GRIN2B: variants seen among roughly 807,000 people sequenced by gnomAD.
The protein encoded by GRIN2B is glutamate receptor ionotropic, NMDA 2B.
GRIN2B carries 5 observed loss-of-function variants against 114.5 expected under a neutral mutation model. The observed-to-expected ratio is 0.04, with a 90% CI of 0.02 to 0.09. The LOEUF (loss-of-function observed/expected upper bound fraction) is 0.09. Ranked by LOEUF, GRIN2B falls within the 10% of genes least tolerant of loss-of-function variation. The pLI, the probability that GRIN2B is intolerant of heterozygous loss-of-function variation, is 1.00. For synonymous variants in GRIN2B, 787 were observed against 745.1 expected, an observed-to-expected ratio of 1.06 and a Z score of -0.92; for missense variants, 1,108 against 1,943.5, an observed-to-expected ratio of 0.57 and a Z score of 8.08.
At chr12:13,572,410 TAGTG>T (rs560624064) in intron 10 of GRIN2B, among the ~76,000 whole-genome samples, 11 of 152,310 alleles carry the variant, frequency 7.2e-5, no homozygotes, top group Non-Finnish European at 1.5e-4. Flanking sequence ...CATAGGGCCT[TAGTG>T]AGGTGAGCTA....
At chr12:13,720,300 G>A (rs973567110) in intron 4 of GRIN2B, among the ~76,000 whole-genome samples, 20 of 151,914 alleles carry the variant, frequency 1.3e-4, no homozygotes, top group Non-Finnish European at 2.8e-4. Flanking sequence ...AAAATGGCAT[G>A]CCCTTTCTAG....
chr12:13,952,496 T>C (rs910987261), intron 2 of GRIN2B, among the ~76,000 whole-genome samples: 2 of 152,206 alleles, frequency 1.3e-5, no homozygotes, highest in African/African-American at 4.8e-5. Context: ...CCCTGTGTTC[T>C]ATCCCATGGA....
At position 13,791,451 on chromosome 12, in the gene GRIN2B, C is replaced by CAAAA. The variant is rs1234086791; in HGVS notation, c.412-37540_412-37537dup. On this transcript the variant is annotated intron_variant, in intron 3 of 13. Coordinates refer to ENST00000609686, the MANE Select transcript of GRIN2B (RefSeq NM_000834.5). Reference sequence around the variant, plus strand: ...TGGGTGACAGAGCGAGACTCTGTCTCAAAAAAAAAAATAAAAAAAAAAAAT... The same window carrying CAAAA: ...TGGGTGACAGAGCGAGACTCTGTCTCAAAAAAAAAAAAAAATAAAAAAAAAAAAT... 4.0e-4 allele frequency among the ~76,000 whole-genome samples: 43 copies of CAAAA among 106,648 alleles called. 1 individual carries two copies. Among genetic ancestry groups the CAAAA allele is most frequent in the Non-Finnish European group, 5.0e-4 (26 of 51,796 alleles). 70.0% of individuals were successfully genotyped at this position (106,648 alleles called of 152,430 possible). A position where few individuals can be genotyped will look rare whatever the true frequency, so the allele number is the denominator to read the frequency against.
At position 13,754,418 on chromosome 12, in the gene GRIN2B, C is replaced by G. The variant is rs191886989; in HGVS notation, c.412-503G>C. Among the ~76,000 whole-genome samples the G allele has an allele frequency of 2.0e-3, 307 of 152,266 alleles. 7 individuals carry two copies. The highest frequency in any genetic ancestry group is 3.1e-4 in the Non-Finnish European group (21 of 68,022). On this transcript the variant is annotated intron_variant, in intron 3 of 13. Transcript: ENST00000609686. Reference sequence around the variant, plus strand: ...GGATTTCTTGCTTGTGAAAGTGTATCACTCAGTCACAGAGTGCATAATCCA... The same window carrying G: ...GGATTTCTTGCTTGTGAAAGTGTATGACTCAGTCACAGAGTGCATAATCCA...
intron 3 of GRIN2B, among the ~76,000 whole-genome samples, chr12:13,822,119 C>T (rs220598): frequency 0.057 from 8,637 of 152,114 alleles, 836 homozygotes; most frequent in African/African-American, 0.2. Context: ...GGCCTAAAGT[C>T]TTATGAAATT....
chr12:13,945,129 G>T (rs908332851), intron 2 of GRIN2B, among the ~76,000 whole-genome samples: 2 of 152,094 alleles, frequency 1.3e-5, no homozygotes, highest in Non-Finnish European at 2.9e-5. Context: ...CATAAATAGG[G>T]GCTAAAAGTT....
chr12:13,972,658 G>A (rs1183994488), intron 2 of GRIN2B, among the ~76,000 whole-genome samples: 1 of 152,190 alleles, frequency 6.6e-6, no homozygotes, highest in African/African-American at 2.4e-5. Flanking sequence ...AGTGGACGTG[G>A]CTGACCACAT....
intron 3 of GRIN2B, among the ~76,000 whole-genome samples, chr12:13,815,796 T>C (rs181896849): frequency 1.1e-4 from 16 of 152,328 alleles, no homozygotes; most frequent in African/African-American, 3.8e-4. Context: ...ATTCTAAAAA[T>C]GTGCTTGTAT....
At chr12:13,944,596 A>C (rs980543063) in intron 2 of GRIN2B, among the ~76,000 whole-genome samples, 1 of 152,180 alleles carries the variant, frequency 6.6e-6, no homozygotes, top group African/African-American at 2.4e-5. Context: ...TACTTCCTCT[A>C]GTCCTCCCAA....
chr12:13,954,204 A>G (rs1867545624), intron 2 of GRIN2B, among the ~76,000 whole-genome samples: 1 of 152,202 alleles, frequency 6.6e-6, no homozygotes, highest in South Asian at 2.1e-4. Context: ...GGCCTAACCC[A>G]CAATGGCATT....
chr12:13,881,007 T>C (rs1210286778), intron 2 of GRIN2B, among the ~76,000 whole-genome samples: 1 of 149,420 alleles, frequency 6.7e-6, no homozygotes, highest in Non-Finnish European at 1.5e-5. Context: ...TGTGTGTGTG[T>C]GTGTGTGCGC....
intron 10 of GRIN2B, among the ~76,000 whole-genome samples, chr12:13,587,814 G>A (rs1031382398): frequency 6.6e-6 from 1 of 152,200 alleles, no homozygotes; most frequent in Non-Finnish European, 1.5e-5. Context: ...TGGTATAATA[G>A]CTTGCCTTTG....
intron 2 of GRIN2B, among the ~76,000 whole-genome samples, chr12:13,953,137 G>C (rs1191734317): frequency 1.3e-5 from 2 of 151,904 alleles, no homozygotes; most frequent in Non-Finnish European, 2.9e-5. Context: ...CCACTGACCA[G>C]AGTACCTACA....
chr12:13,794,850 C>G (rs1183273882), intron 3 of GRIN2B, among the ~76,000 whole-genome samples: 1 of 152,176 alleles, frequency 6.6e-6, no homozygotes, highest in Non-Finnish European at 1.5e-5. Context: ...AGATGGACAC[C>G]AAGCTACCTC....
chr12:13,565,415 C>T (rs1308330543), intron 13 of GRIN2B, among the ~76,000 whole-genome samples: 1 of 152,150 alleles, frequency 6.6e-6, no homozygotes, highest in African/African-American at 2.4e-5. Flanking sequence ...CCTTCTTATA[C>T]TTTCTCACTC....
intron 5 of GRIN2B, among the ~76,000 whole-genome samples, chr12:13,652,832 G>C (rs900268823): frequency 1.3e-5 from 2 of 152,166 alleles, no homozygotes; most frequent in African/African-American, 2.4e-5. Context: ...GAAGAAAGAA[G>C]ACGGTGGAAA....
chr12:13,759,891 C>G (rs73053638), intron 3 of GRIN2B, among the ~76,000 whole-genome samples: 2,482 of 152,326 alleles, frequency 0.016, 51 homozygotes, highest in African/African-American at 0.056. Flanking sequence ...GCTCCATGCA[C>G]TCTGATCTGT....
chr12:13,910,017 A>G (rs559256942), intron 2 of GRIN2B, among the ~76,000 whole-genome samples: 1 of 152,214 alleles, frequency 6.6e-6, no homozygotes, highest in Admixed American at 6.5e-5. Context: ...AGCCACTTAG[A>G]TATTTCAGGA....
intron 3 of GRIN2B, among the ~76,000 whole-genome samples, chr12:13,771,161 T>C (rs1465535425): frequency 6.6e-6 from 1 of 152,130 alleles, no homozygotes; most frequent in African/African-American, 2.4e-5. Flanking sequence ...GAGCTGATGG[T>C]TTTATAAAGC....
Sources: allele counts gnomAD v4.1 joint callset (sites outside exome capture counted in the v4.1 genomes callset), GRCh38; gene constraint gnomAD v4.1.1; transcripts MANE v1.5; gene names NCBI Gene and HGNC (gene_info 2026-07-23, HGNC 2026-07-21).